KCNH8: variants seen among roughly 807,000 people sequenced by gnomAD.
The protein encoded by KCNH8 is voltage-gated delayed rectifier potassium channel KCNH8.
Under a neutral mutation model 103.6 loss-of-function variants are expected in KCNH8, and 70 were observed. That is an observed-to-expected ratio of 0.68 (90% confidence interval 0.56 to 0.82). The LOEUF is 0.82. Ranked by LOEUF, KCNH8 falls within the 40% of genes least tolerant of loss-of-function variation. The pLI, the probability that KCNH8 is intolerant of heterozygous loss-of-function variation, is 0.00. For missense variants in KCNH8, 1,217 were observed against 1,329.9 expected, an observed-to-expected ratio of 0.92 and a Z score of 1.32; for synonymous variants, 498 against 489.4, an observed-to-expected ratio of 1.02 and a Z score of -0.23.
At position 19,253,346 on chromosome 3, in the gene KCNH8, C is replaced by T. The variant is rs569217672; in HGVS notation, c.77-308C>T. Among the ~76,000 whole-genome samples the T allele has an allele frequency of 7.7e-4, 117 of 152,064 alleles. 2 individuals are homozygous for T. The highest frequency in any genetic ancestry group is 2.7e-3 in the African/African-American group (112 of 41,474). The stretch of plus-strand genomic sequence containing the variant: ...TACATGGCAGATTCAGTATATGAAA[C>T]CAGAAGCCATGATCAAAAGCATCAT... On this transcript the variant is annotated intron_variant, in intron 1 of 15. Coordinates refer to ENST00000328405, the MANE Select transcript of KCNH8 (RefSeq NM_144633.3).
chr3:19,445,763 T>G (rs1292541093), intron 8 of KCNH8, among the ~76,000 whole-genome samples: 1 of 151,994 alleles, frequency 6.6e-6, no homozygotes, highest in East Asian at 1.9e-4. Flanking sequence ...CTGGACTATT[T>G]ATCATAGATT....
intron 1 of KCNH8, among the ~76,000 whole-genome samples, chr3:19,182,568 C>T (rs1407625370): frequency 6.6e-6 from 1 of 152,116 alleles, no homozygotes; most frequent in Non-Finnish European, 1.5e-5. Context: ...GGTTGTGCAT[C>T]AAGCTTTCAG....
At chr3:19,530,008 T>C (rs2069132760) in intron 15 of KCNH8, among the ~76,000 whole-genome samples, 1 of 152,158 alleles carries the variant, frequency 6.6e-6, no homozygotes, top group Admixed American at 6.6e-5. Context: ...GGATTCCCAT[T>C]CTAAGTTCAC....
chr3:19,246,910 G>T (rs2064213745), intron 1 of KCNH8, among the ~76,000 whole-genome samples: 1 of 152,130 alleles, frequency 6.6e-6, no homozygotes, highest in Non-Finnish European at 1.5e-5. Flanking sequence ...GTTTCCATTT[G>T]TCTCTCTGTT....
At chr3:19,529,873 C>T (rs1408403222) in intron 15 of KCNH8, among the ~76,000 whole-genome samples, 1 of 152,132 alleles carries the variant, frequency 6.6e-6, no homozygotes, top group African/African-American at 2.4e-5. Flanking sequence ...TGATTATTTC[C>T]CTCTAGAGTT....
intron 3 of KCNH8, among the ~76,000 whole-genome samples, chr3:19,286,381 C>G (rs184727582): frequency 8.5e-5 from 13 of 152,298 alleles, no homozygotes; most frequent in Non-Finnish European, 1.5e-4. Flanking sequence ...GAGACACCAG[C>G]GGTGTGAATG....
intron 15 of KCNH8, among the ~76,000 whole-genome samples, chr3:19,529,186 G>T (rs138675391): frequency 1.2e-3 from 184 of 152,248 alleles, no homozygotes; most frequent in East Asian, 0.011. Context: ...TGCTCAAAAA[G>T]ATTGTATTTT....
At chr3:19,213,593 G>A (rs1300326979) in intron 1 of KCNH8, among the ~76,000 whole-genome samples, 1 of 152,106 alleles carries the variant, frequency 6.6e-6, no homozygotes, top group African/African-American at 2.4e-5. Context: ...AGTTGCTTGG[G>A]CCAAAAACCA....
intron 1 of KCNH8, among the ~76,000 whole-genome samples, chr3:19,196,242 G>T (rs1343693437): frequency 1.3e-5 from 2 of 151,828 alleles, no homozygotes; most frequent in Admixed American, 6.6e-5. Context: ...CCTCATAAAA[G>T]AAATAGTTCT....
intron 11 of KCNH8, among the ~76,000 whole-genome samples, chr3:19,476,344 A>G (rs2067975772): frequency 6.6e-6 from 1 of 152,200 alleles, no homozygotes; most frequent in Non-Finnish European, 1.5e-5. Context: ...GGCATTTCGC[A>G]TTAACGCTAA....
chr3:19,286,269 G>A (rs900360870), intron 3 of KCNH8, among the ~76,000 whole-genome samples: 6 of 152,208 alleles, frequency 3.9e-5, no homozygotes, highest in South Asian at 2.1e-4. Context: ...ATCTCAGAAT[G>A]TAACGGTATT....
At chr3:19,305,319 C>A (rs935239795) in intron 3 of KCNH8, among the ~76,000 whole-genome samples, 4 of 152,054 alleles carry the variant, frequency 2.6e-5, no homozygotes, top group African/African-American at 9.7e-5. Flanking sequence ...AATGTATTTC[C>A]CTTTCATGTA....
chr3:19,522,297 A>C (rs1334410272), intron 15 of KCNH8, among the ~76,000 whole-genome samples: 1 of 151,886 alleles, frequency 6.6e-6, no homozygotes, highest in Non-Finnish European at 1.5e-5. Context: ...TTCCATTCTA[A>C]TTCCGAAGTC....
chr3:19,419,118 C>CATGTGT (rs1013591724), intron 7 of KCNH8, among the ~76,000 whole-genome samples: 1 of 151,456 alleles, frequency 6.6e-6, no homozygotes, highest in African/African-American at 2.4e-5. Context: ...TCTCATCATG[C>CATGTGT]ATGTGTATGT....
At chr3:19,358,781 G>C (rs1334492632) in intron 5 of KCNH8, among the ~76,000 whole-genome samples, 1 of 151,848 alleles carries the variant, frequency 6.6e-6, no homozygotes, top group African/African-American at 2.4e-5. Context: ...AACATGTCCA[G>C]AGTAAATACA....
intron 2 of KCNH8, among the ~76,000 whole-genome samples, chr3:19,280,186 G>C (rs935430903): frequency 4.6e-5 from 7 of 151,910 alleles, no homozygotes; most frequent in African/African-American, 1.7e-4. Context: ...GCTTTAGGCA[G>C]TACCATTTGG....
At chr3:19,351,502 A>T (rs1306514463) in intron 5 of KCNH8, among the ~76,000 whole-genome samples, 1 of 152,228 alleles carries the variant, frequency 6.6e-6, no homozygotes, top group Non-Finnish European at 1.5e-5. Context: ...CGGGTTACCC[A>T]CAAAGGGAAG....
intron 15 of KCNH8, among the ~76,000 whole-genome samples, chr3:19,530,250 T>C (rs965325289): frequency 1.3e-5 from 2 of 152,094 alleles, no homozygotes; most frequent in African/African-American, 4.8e-5. Context: ...CATAGTAAGG[T>C]GATATAATTA....
At chr3:19,277,463 C>A (rs895981636) in intron 2 of KCNH8, among the ~76,000 whole-genome samples, 10 of 152,114 alleles carry the variant, frequency 6.6e-5, no homozygotes, top group East Asian at 1.9e-4. Context: ...ACTTGGGAGG[C>A]TGAGGTGGCA....
Sources: allele counts gnomAD v4.1 joint callset (sites outside exome capture counted in the v4.1 genomes callset), GRCh38; gene constraint gnomAD v4.1.1; transcripts MANE v1.5; gene names NCBI Gene and HGNC (gene_info 2026-07-23, HGNC 2026-07-21).